NAALADL2: variants seen among roughly 807,000 people sequenced by gnomAD.
NAALADL2 encodes N-acetylated alpha-linked acidic dipeptidase like 2, also known as inactive N-acetylated-alpha-linked acidic dipeptidase-like protein 2.
NAALADL2 carries 76 observed loss-of-function variants against 87.2 expected under a neutral mutation model. The ratio of observed to expected loss-of-function variants is 0.87; its 90% CI spans 0.72 to 1.05. NAALADL2 has a LOEUF of 1.05. Ranked by LOEUF, NAALADL2 falls within the 50% of genes least tolerant of loss-of-function variation. The pLI is 0.00. For synonymous variants in NAALADL2, 354 were observed against 331.0 expected (o/e 1.07, Z -0.75); for missense variants, 1,089 against 945.8 (o/e 1.15, Z -1.99).
At chr3:174,667,271 A>T (rs1726042436) in intron 2 of NAALADL2, among the ~76,000 whole-genome samples, 3 of 152,148 alleles carry the variant, frequency 2.0e-5, no homozygotes, top group Admixed American at 2.0e-4. Context: ...TCCAATTAAC[A>T]AGAGCGAGGT....
intron 3 of NAALADL2, among the ~76,000 whole-genome samples, chr3:174,780,899 T>G (rs900197615): frequency 3.3e-5 from 5 of 152,092 alleles, no homozygotes; most frequent in African/African-American, 1.2e-4. Context: ...TTTCGTATGT[T>G]TTTTCAGTGG....
intron 12 of NAALADL2, among the ~76,000 whole-genome samples, chr3:175,750,869 T>C (rs1746538656): frequency 6.6e-6 from 1 of 152,230 alleles, no homozygotes; most frequent in Non-Finnish European, 1.5e-5. Context: ...TTTAATCTTC[T>C]ATGTCTTTGC....
chr3:175,371,815 TAA>T (rs367881183), intron 5 of NAALADL2, among the ~76,000 whole-genome samples: 7 of 142,272 alleles, frequency 4.9e-5, no homozygotes, highest in South Asian at 2.3e-4. Flanking sequence ...CTCCATCTAT[TAA>T]AAAAAAAAAA....
intron 2 of NAALADL2, among the ~76,000 whole-genome samples, chr3:175,151,400 G>A (rs1731522089): frequency 6.6e-6 from 1 of 152,214 alleles, no homozygotes; most frequent in South Asian, 2.1e-4. Context: ...ACATTCAGCA[G>A]TTCTGGCTGA....
At chr3:175,459,114 AAG>A (rs1215378671) in intron 6 of NAALADL2, among the ~76,000 whole-genome samples, 2 of 152,256 alleles carry the variant, frequency 1.3e-5, no homozygotes, top group African/African-American at 4.8e-5. Context: ...ACCACCATAA[AAG>A]AAAATTAGCA....
At chr3:175,781,529 T>A (rs1751066232) in intron 13 of NAALADL2, among the ~76,000 whole-genome samples, 1 of 151,298 alleles carries the variant, frequency 6.6e-6, no homozygotes, top group African/African-American at 2.4e-5. Flanking sequence ...TCAATCCTAG[T>A]TTATGTACTT....
At chr3:174,677,879 AG>A (rs1312601780) in intron 2 of NAALADL2, among the ~76,000 whole-genome samples, 2 of 151,914 alleles carry the variant, frequency 1.3e-5, no homozygotes, top group Non-Finnish European at 2.9e-5. Context: ...ATCTCCAAAA[AG>A]AAAAAAAAAA....
At chr3:175,571,761 T>C (rs1582451225) in intron 9 of NAALADL2, among the ~76,000 whole-genome samples, 1 of 152,184 alleles carries the variant, frequency 6.6e-6, no homozygotes, top group East Asian at 1.9e-4. Flanking sequence ...TGTTTTTCTC[T>C]TAAGGGAAAT....
chr3:175,355,815 G>A (rs966123364), intron 5 of NAALADL2, among the ~76,000 whole-genome samples: 4 of 152,146 alleles, frequency 2.6e-5, no homozygotes, highest in Non-Finnish European at 4.4e-5. Context: ...ATGAAGTAGA[G>A]ATTAATTAAC....
intron 3 of NAALADL2, among the ~76,000 whole-genome samples, chr3:174,836,183 G>A (rs566881977): frequency 9.9e-5 from 15 of 152,284 alleles, no homozygotes; most frequent in African/African-American, 3.4e-4. Flanking sequence ...GAAACATGCT[G>A]CAACAGGGAT....
chr3:175,758,240 A>T (rs1387908712), intron 13 of NAALADL2, among the ~76,000 whole-genome samples: 2 of 152,032 alleles, frequency 1.3e-5, no homozygotes, highest in Non-Finnish European at 2.9e-5. Context: ...CAAAGTGTCG[A>T]TGGTGATAAT....
chr3:175,053,101 A>G (rs1161256566), intron 1 of NAALADL2, among the ~76,000 whole-genome samples: 2 of 152,200 alleles, frequency 1.3e-5, no homozygotes, highest in Non-Finnish European at 2.9e-5. Flanking sequence ...TTTGTTTACA[A>G]ATAGGTTTTT....
intron 1 of NAALADL2, among the ~76,000 whole-genome samples, chr3:175,069,151 A>G (rs1715096792): frequency 6.6e-6 from 1 of 150,594 alleles, no homozygotes; most frequent in Non-Finnish European, 1.5e-5. Context: ...AAAAGCCAAA[A>G]TTGACAAATG....
rs183203831 is a variant in NAALADL2, at chr3:174,458,823, G to A, written c.-184+17791G>A. Among the ~76,000 whole-genome samples the A allele has an allele frequency of 5.3e-5, 8 of 152,246 alleles. No homozygotes were observed. In the East Asian group the frequency reaches 1.3e-3, roughly 26 times the overall value. On this transcript the variant is annotated intron_variant, in intron 1 of 3. Coordinates refer to the NAALADL2 transcript ENST00000434257. ...AATAGCCCAATGAATAAGGCTGATT[G>A]CAATTAGCCTTTTATTAGACTATAG...
intron 2 of NAALADL2, among the ~76,000 whole-genome samples, chr3:175,116,689 C>T (rs951293857): frequency 3.3e-5 from 5 of 152,060 alleles, no homozygotes; most frequent in Non-Finnish European, 7.4e-5. Flanking sequence ...ATGCCATCCC[C>T]ATCAAGCTAC....
chr3:174,777,487 C>T (rs1284899589), intron 3 of NAALADL2, among the ~76,000 whole-genome samples: 1 of 152,050 alleles, frequency 6.6e-6, no homozygotes, highest in Non-Finnish European at 1.5e-5. Context: ...AATTTCTGGT[C>T]TTTAGAGGAG....
At chr3:174,700,471 C>T (rs532214155) in intron 2 of NAALADL2, among the ~76,000 whole-genome samples, 6 of 152,042 alleles carry the variant, frequency 3.9e-5, no homozygotes, top group Admixed American at 6.6e-5. Flanking sequence ...ATCAGTATAA[C>T]GCTCTCCATG....
chr3:175,310,413 G>A (rs1349222837), intron 4 of NAALADL2, among the ~76,000 whole-genome samples: 2 of 151,852 alleles, frequency 1.3e-5, no homozygotes, highest in Non-Finnish European at 2.9e-5. Flanking sequence ...AGTAGAAATA[G>A]AAGAATGTTG....
intron 1 of NAALADL2, among the ~76,000 whole-genome samples, chr3:174,993,242 G>A (rs1746983378): frequency 1.3e-5 from 2 of 152,170 alleles, no homozygotes; most frequent in African/African-American, 2.4e-5. Flanking sequence ...GAAGTTCAGA[G>A]AAAGAGTTAT....
Sources: gnomAD v4.1 joint callset for allele counts (sites outside exome capture counted in the v4.1 genomes callset) on GRCh38, gnomAD v4.1.1 for gene constraint, MANE v1.5 for transcripts, NCBI Gene and HGNC (gene_info 2026-07-23, HGNC 2026-07-21) for gene names.